HS6ST3: variants seen among roughly 807,000 people sequenced by gnomAD.
The protein encoded by HS6ST3 is heparan-sulfate 6-O-sulfotransferase 3.
Under a neutral mutation model 36.7 loss-of-function variants are expected in HS6ST3, and 12 were observed. The observed-to-expected ratio is 0.33, with a 90% CI of 0.21 to 0.53. HS6ST3 has a LOEUF of 0.53. HS6ST3 is among the 20% of genes least tolerant of loss of function. The pLI is 0.95. For missense variants in HS6ST3, 584 were observed against 640.9 expected (o/e 0.91, Z 0.96); for synonymous variants, 240 against 257.5 (o/e 0.93, Z 0.65).
chr13:96,523,385 T>C lies in HS6ST3; in HGVS notation c.708-309105T>C, dbSNP rs576981532. ...AGGAGTATCTTTGTGGTGTTCTCTG[T>C]ATTTCCCGAATTTGAATGTTGACCT... is the stretch of plus-strand genomic sequence containing the variant. On this transcript the variant is annotated intron_variant, in intron 1 of 1. Transcript: ENST00000376705. 1.0e-3 allele frequency among the ~76,000 whole-genome samples: 159 copies of C among 152,294 alleles called. 1 individual carries two copies. The highest frequency in any genetic ancestry group is 2.0e-3 in the Non-Finnish European group (134 of 68,018).
intron 1 of HS6ST3, among the ~76,000 whole-genome samples, chr13:96,168,833 G>A (rs2054173254): frequency 2.0e-5 from 3 of 152,062 alleles, no homozygotes; most frequent in South Asian, 2.1e-4. Flanking sequence ...GATATGTTGG[G>A]TAATGGTGAG....
chr13:96,713,376 A>G (rs1166189926), intron 1 of HS6ST3, among the ~76,000 whole-genome samples: 1 of 152,194 alleles, frequency 6.6e-6, no homozygotes, highest in Admixed American at 6.5e-5. Context: ...CTTTGGAACC[A>G]TTACCATTTA....
chr13:96,439,322 T>A (rs2055658522), intron 1 of HS6ST3, among the ~76,000 whole-genome samples: 1 of 152,230 alleles, frequency 6.6e-6, no homozygotes, highest in Non-Finnish European at 1.5e-5. Flanking sequence ...AGTATAAAAA[T>A]GTAAGATAGT....
chr13:96,559,740 A>G (rs1023085011), intron 1 of HS6ST3, among the ~76,000 whole-genome samples: 1 of 151,330 alleles, frequency 6.6e-6, no homozygotes, highest in African/African-American at 2.4e-5. Flanking sequence ...TTTTTTCTTA[A>G]TGGAGCTGTC....
At chr13:96,633,879 A>T (rs948888468) in intron 1 of HS6ST3, among the ~76,000 whole-genome samples, 1 of 152,150 alleles carries the variant, frequency 6.6e-6, no homozygotes, top group Non-Finnish European at 1.5e-5. Context: ...AAACTCAGTG[A>T]AGGGTCAGAG....
intron 1 of HS6ST3, among the ~76,000 whole-genome samples, chr13:96,785,769 T>C (rs1877633053): frequency 6.6e-6 from 1 of 152,170 alleles, no homozygotes; most frequent in African/African-American, 2.4e-5. Flanking sequence ...AGGAAGCCCA[T>C]ATTTTATTGA....
rs892359288 is a variant in HS6ST3, at chr13:96,286,415, A to G, written c.707+194846A>G. On this transcript the variant is annotated intron_variant, in intron 1 of 1. Transcript: ENST00000376705. ...AGGGAGGGGGTTTATTTAAAATTTT[A>G]TCGTGTAATGTTTAACATCCTGTAA... is the stretch of plus-strand genomic sequence containing the variant. 9.2e-5 allele frequency among the ~76,000 whole-genome samples: 14 copies of G among 152,112 alleles called. No individual in the cohort carries two copies. In the South Asian group the frequency reaches 1.4e-3, roughly 16 times the overall value.
At chr13:96,425,212 G>GATTA (rs2139470671) in intron 1 of HS6ST3, among the ~76,000 whole-genome samples, 1 of 152,330 alleles carries the variant, frequency 6.6e-6, no homozygotes, top group Admixed American at 6.5e-5. Flanking sequence ...TCATTGTGAG[G>GATTA]ATTAGATAGC....
intron 1 of HS6ST3, among the ~76,000 whole-genome samples, chr13:96,418,794 C>G (rs1428068564): frequency 3.3e-5 from 5 of 152,226 alleles, no homozygotes; most frequent in African/African-American, 1.2e-4. Flanking sequence ...GGGCCACGCT[C>G]TCTGTTTTGT....
At chr13:96,308,563 A>T (rs1341508703) in intron 1 of HS6ST3, among the ~76,000 whole-genome samples, 1 of 152,076 alleles carries the variant, frequency 6.6e-6, no homozygotes, top group Non-Finnish European at 1.5e-5. Context: ...GGTGGAAAAG[A>T]CTTATTTAAA....
intron 1 of HS6ST3, among the ~76,000 whole-genome samples, chr13:96,306,790 C>T (rs1161172578): frequency 6.6e-6 from 1 of 152,164 alleles, no homozygotes; most frequent in African/African-American, 2.4e-5. Context: ...TAAATTAGCT[C>T]TGTATCTTCA....
rs761573907 is a variant in HS6ST3, at chr13:96,832,820, G to T, written c.1038G>T (p.Lys346Asn). The T allele has an allele frequency of 1.2e-6, 2 of 1,614,198 alleles. No individual in the cohort carries two copies. The highest frequency in any genetic ancestry group is 2.2e-5 in the South Asian group (2 of 91,076). The stretch of plus-strand genomic sequence containing the variant: ...TGCAGAGTGCAAAGAACAACCTGAA[G>T]AACATGGCCTTCTTTGGGCTCACTG... ...ILLQSAKNNLKNMAFFGLTEF... is the reference protein window; with the variant it reads ...ILLQSAKNNLNNMAFFGLTEF... Residue 346 changes from lysine (K) to asparagine (N), a missense_variant, in exon 2 of 2, where the codon AAG (lysine) becomes AAT (asparagine). Lys to Asn is a moderately conservative substitution (Grantham distance 94, BLOSUM62 0). Around this residue, in one of 3 missense-constraint regions of HS6ST3, gnomAD observed 360 missense variants for 411.3 expected, o/e 0.88. Transcript: ENST00000376705.
chr13:96,128,577 A>G (rs1377392980), intron 1 of HS6ST3, among the ~76,000 whole-genome samples: 1 of 152,032 alleles, frequency 6.6e-6, no homozygotes, highest in African/African-American at 2.4e-5. Flanking sequence ...CAGGGCCTCC[A>G]TTTTCATCTG....
At chr13:96,586,362 C>T (rs2056361229) in intron 1 of HS6ST3, among the ~76,000 whole-genome samples, 1 of 151,930 alleles carries the variant, frequency 6.6e-6, no homozygotes, top group Non-Finnish European at 1.5e-5. Context: ...GTAGTGCAAT[C>T]TCAGCTCACT....
chr13:96,519,271 T>C (rs1306299857), intron 1 of HS6ST3, among the ~76,000 whole-genome samples: 11 of 152,204 alleles, frequency 7.2e-5, no homozygotes. Flanking sequence ...ATTTTCCTAA[T>C]TGCCTACCAG....
chr13:96,641,557 C>G (rs1378027670), intron 1 of HS6ST3, among the ~76,000 whole-genome samples: 1 of 151,688 alleles, frequency 6.6e-6, no homozygotes, highest in Admixed American at 6.6e-5. Flanking sequence ...CTATTTTTTT[C>G]TATATGTCTT....
Position 96,090,857 on chromosome 13 carries a change from G to A in HS6ST3, c.-6G>A. 1 of 1,504,228 alleles carries A rather than the reference G, an allele frequency of 6.6e-7. No individual in the cohort carries two copies. The highest frequency in any genetic ancestry group is 8.9e-7 in the Non-Finnish European group (1 of 1,121,132). 93.2% of individuals were successfully genotyped at this position (1,504,228 alleles called of 1,614,324 possible). ...CCGCTTCGCCTGCCGGCCTGAGAGC[G>A]GGACCATGGATGAAAGGTTCAACAA... On this transcript the variant is annotated 5_prime_UTR_variant, in exon 1 of 2. Coordinates refer to ENST00000376705, the MANE Select transcript of HS6ST3 (RefSeq NM_153456.4).
chr13:96,134,330 C>T (rs1438233088), intron 1 of HS6ST3, among the ~76,000 whole-genome samples: 5 of 151,862 alleles, frequency 3.3e-5, no homozygotes, highest in Admixed American at 3.3e-4. Context: ...ACTTTTAATA[C>T]TTTATATGGT....
At chr13:96,409,071 C>T (rs2055494312) in intron 1 of HS6ST3, among the ~76,000 whole-genome samples, 1 of 152,090 alleles carries the variant, frequency 6.6e-6, no homozygotes, top group Non-Finnish European at 1.5e-5. Context: ...CTGTAATAAC[C>T]TCTAATGGAG....
Sources: allele counts gnomAD v4.1 joint callset (sites outside exome capture counted in the v4.1 genomes callset), GRCh38; gene constraint gnomAD v4.1.1; regional missense constraint gnomAD v4.1.1; transcripts MANE v1.5; gene names NCBI Gene and HGNC (gene_info 2026-07-23, HGNC 2026-07-21).